RFX6: variants seen among roughly 807,000 people sequenced by gnomAD.
The protein encoded by RFX6 is regulatory factor X6.
In RFX6, 50 loss-of-function variants were observed where a neutral mutation model predicts 110.8. The observed-to-expected ratio is 0.45, with a 90% CI of 0.36 to 0.57. The LOEUF (loss-of-function observed/expected upper bound fraction) is 0.57. Among genes scored for constraint, RFX6 ranks in the 20% least tolerant of loss-of-function variants. The pLI is 0.00. For missense variants in RFX6, 990 were observed against 1,127.0 expected, an observed-to-expected ratio of 0.88 and a Z score of 1.74; for synonymous variants, 383 against 411.2, an observed-to-expected ratio of 0.93 and a Z score of 0.83.
At chr6:116,919,993 CT>C (rs1483922027) in intron 11 of RFX6, among the ~76,000 whole-genome samples, 2 of 152,034 alleles carry the variant, frequency 1.3e-5, no homozygotes, top group African/African-American at 4.8e-5. Flanking sequence ...TTTATATTTT[CT>C]TTTTCTATTT....
In RFX6 at chr6:116,927,289, A is replaced by C. The variant is rs755081108; in HGVS notation, c.2148A>C (p.Gly716=). ...GGGCACAGCCCCACTCCACATCAGG[A>C]CTCTATCCTCATCACACCGAGCATG... The part of the protein sequence containing the change: ...VFRAQPHSTS[G]LYPHHTEHGR... The change falls in exon 17 of 19, where the codon GGA becomes GGC. Residue 716 remains glycine (G), a synonymous_variant. Coordinates refer to ENST00000332958, the MANE Select transcript of RFX6 (RefSeq NM_173560.4). The C allele has an allele frequency of 1.2e-6, 2 of 1,614,054 alleles. No homozygotes were observed. Among genetic ancestry groups the C allele is most frequent in the Non-Finnish European group, 8.5e-7 (1 of 1,180,010 alleles).
intron 18 of RFX6, among the ~76,000 whole-genome samples, chr6:116,929,894 G>T (rs1384371259): frequency 6.6e-6 from 1 of 152,142 alleles, no homozygotes; most frequent in Non-Finnish European, 1.5e-5. Context: ...TAATTCAATA[G>T]GAAGTACTCC....
At chr6:116,882,555 C>G in intron 4 of RFX6, 127 bp downstream of exon 4, 1 of 615,994 alleles carries the variant, frequency 1.6e-6, no homozygotes, top group South Asian at 1.9e-5. Context: ...AGACTTTTAT[C>G]AACTGTGAGA....
At position 116,916,276 on chromosome 6, in the gene RFX6, A is replaced by G. The variant is rs1582530667; in HGVS notation, c.934A>G (p.Ile312Val). 1 of 1,612,226 alleles carries G rather than the reference A, an allele frequency of 6.2e-7. No homozygotes were observed. The highest frequency in any genetic ancestry group is 8.5e-7 in the Non-Finnish European group (1 of 1,178,778). ...TCCCCTGCTCGAAAATCCTGTTATC[A>G]TTGATATTTTCTGTGTTTGTGACTC... ...LLPLLENPVI[I>V]DIFCVCDSIL... Residue 312 changes from isoleucine to valine, a missense_variant, in exon 9 of 19, where the codon ATT becomes GTT. This residue lies in a region of RFX6 where 243 missense variants were observed against 353.1 expected (regional missense o/e 0.69). Transcript: ENST00000332958.
intron 16 of RFX6, among the ~76,000 whole-genome samples, chr6:116,926,317 G>C (rs923268649): frequency 2.0e-5 from 3 of 152,070 alleles, no homozygotes. Context: ...CAAAAAAACT[G>C]GATTCGGCCA....
intron 5 of RFX6, among the ~76,000 whole-genome samples, chr6:116,894,446 A>T (rs1284501302): frequency 1.3e-5 from 2 of 152,166 alleles, no homozygotes; most frequent in Non-Finnish European, 2.9e-5. Context: ...TATGTGCTTG[A>T]CTAGTACCTT....
chr6:116,886,219 A>G (rs369053129), intron 4 of RFX6, among the ~76,000 whole-genome samples: 1 of 152,200 alleles, frequency 6.6e-6, no homozygotes, highest in South Asian at 2.1e-4. Flanking sequence ...TGGATTGCAT[A>G]CTAATACATA....
chr6:116,923,236 G>A lies in RFX6; in HGVS notation c.1555+12G>A, dbSNP rs751227099. On this transcript the variant is annotated intron_variant, in intron 14 of 18. Transcript: ENST00000332958. ...TGCATCCAGTTTTGGTAACATACGT[G>A]CATTATAAAACTGTTCTTACATGAA... is the stretch of plus-strand genomic sequence containing the variant. 2.5e-5 allele frequency: 29 copies of A among 1,181,880 alleles called. 1 individual carries two copies. The South Asian group carries it at 3.5e-4, about 14-fold the overall frequency. The allele number at this position is 1,181,880 out of a possible 1,614,324, so 73.2% of individuals were successfully genotyped here.
chr6:116,926,034 G>C lies in RFX6; in HGVS notation c.1885+375G>C, dbSNP rs180941834. Among the ~76,000 whole-genome samples the C allele has an allele frequency of 1.8e-3, 271 of 152,106 alleles. 1 individual carries two copies. Among genetic ancestry groups the C allele is most frequent in the African/African-American group, 6.3e-3 (262 of 41,498 alleles). On this transcript the variant is annotated intron_variant, in intron 16 of 18. Transcript: ENST00000332958. The stretch of plus-strand genomic sequence containing the variant: ...TTCTCCTCCCTTAAAAAGTAGTTTC[G>C]GGCTGGGTATGGTGGCTCATGCCTG...
chr6:116,922,902 A>G (rs1420746027), intron 13 of RFX6, among the ~76,000 whole-genome samples: 1 of 152,200 alleles, frequency 6.6e-6, no homozygotes, highest in Non-Finnish European at 1.5e-5. Flanking sequence ...ACAAAGCCAT[A>G]TTGAATAAAG....
chr6:116,879,877 A>G (rs972675865), intron 2 of RFX6, among the ~76,000 whole-genome samples: 16 of 152,016 alleles, frequency 1.1e-4, no homozygotes, highest in African/African-American at 2.7e-4. Flanking sequence ...AGTTATTTTT[A>G]TAATATAAAG....
Position 116,919,155 on chromosome 6 carries a change from A to T in RFX6, c.1041A>T (p.Arg347Ser). ...TTTGTAGCTTATTAGCAGACATAAG[A>T]AATTTTGCTAAAAATTGGGAACAGT... ...EMPESLLADI[R>S]NFAKNWEQWV... is the part of the protein sequence containing the mutation. The change falls in exon 11 of 19, where the codon AGA (arginine) becomes AGT (serine). Residue 347 changes from arginine (R) to serine (S), a missense_variant. Around this residue, in one of 5 missense-constraint regions of RFX6, gnomAD observed 243 missense variants for 353.1 expected, o/e 0.69. Coordinates refer to ENST00000332958, the MANE Select transcript of RFX6 (RefSeq NM_173560.4). 1 of 1,613,528 alleles carries T rather than the reference A, an allele frequency of 6.2e-7. No homozygotes were observed. The highest frequency in any genetic ancestry group is 1.7e-5 in the Admixed American group (1 of 59,984).
intron 4 of RFX6, among the ~76,000 whole-genome samples, chr6:116,888,875 T>C (rs1042623280): frequency 2.0e-5 from 3 of 152,140 alleles, no homozygotes; most frequent in Admixed American, 6.6e-5. Context: ...GCATGAACTC[T>C]CTCTCCCCAG....
chr6:116,908,461 T>G (rs1020508294), intron 6 of RFX6, among the ~76,000 whole-genome samples: 1 of 152,128 alleles, frequency 6.6e-6, no homozygotes, highest in Non-Finnish European at 1.5e-5. Flanking sequence ...GTCTCTTCCT[T>G]TTCGGTACTT....
intron 6 of RFX6, among the ~76,000 whole-genome samples, chr6:116,903,185 A>G (rs1308804957): frequency 6.6e-6 from 1 of 152,020 alleles, no homozygotes; most frequent in Non-Finnish European, 1.5e-5. Context: ...ACTGGATATT[A>G]TTCGATTTAT....
At chr6:116,905,012 C>G (rs1775165446) in intron 6 of RFX6, among the ~76,000 whole-genome samples, 1 of 152,170 alleles carries the variant, frequency 6.6e-6, no homozygotes, top group South Asian at 2.1e-4. Flanking sequence ...TGAGATCCTG[C>G]TATAATTGTT....
chr6:116,877,678 T>C, intron 1 of RFX6, 118 bp from the exon 2 acceptor site: 1 of 1,097,034 alleles, frequency 9.1e-7, no homozygotes, highest in Non-Finnish European at 1.3e-6. Flanking sequence ...TAGCCCCCCT[T>C]TCCTCCCCTC....
chr6:116,877,541 C>A (rs1009912819), intron 1 of RFX6, 43 bp downstream of exon 1: 31 of 1,445,296 alleles, frequency 2.1e-5, no homozygotes, highest in Non-Finnish European at 2.6e-5. Context: ...GGGACGGGGA[C>A]GTATTCTAAG....
intron 17 of RFX6, 31 bp downstream of exon 17, chr6:116,927,570 T>G: frequency 3.3e-5 from 53 of 1,589,840 alleles, no homozygotes; most frequent in Non-Finnish European, 4.1e-5. Context: ...TTTTCTTGGT[T>G]TTTGAGATGG....
Sources: gnomAD v4.1 joint callset for allele counts (sites outside exome capture counted in the v4.1 genomes callset) on GRCh38, gnomAD v4.1.1 for gene constraint, gnomAD v4.1.1 regional missense constraint, MANE v1.5 for transcripts, NCBI Gene and HGNC (gene_info 2026-07-23, HGNC 2026-07-21) for gene names.